MTF2: variants seen among roughly 807,000 people sequenced by gnomAD.
The protein encoded by MTF2 is metal response element binding transcription factor 2, also known as metal-response element-binding transcription factor 2.
A neutral mutation model predicts 79.5 loss-of-function variants in MTF2; 11 were observed. The ratio of observed to expected loss-of-function variants is 0.14; its 90% CI spans 0.09 to 0.23. The LOEUF (loss-of-function observed/expected upper bound fraction) is 0.23, where lower values mean the gene tolerates loss of function less well. Ranked by LOEUF, MTF2 falls within the 10% of genes least tolerant of loss-of-function variation. The pLI, the probability that MTF2 is intolerant of heterozygous loss-of-function variation, is 1.00. For synonymous variants in MTF2, 208 were observed against 232.8 expected (o/e 0.89, Z 0.97); for missense variants, 486 against 711.2 (o/e 0.68, Z 3.60).
chr1:93,105,652 T>TA (rs1418833685), intron 1 of MTF2, among the ~76,000 whole-genome samples: 1 of 151,264 alleles, frequency 6.6e-6, no homozygotes, highest in Non-Finnish European at 1.5e-5. Context: ...TGTGAATGAA[T>TA]ATGTTGAATG....
intron 9 of MTF2, chr1:93,120,975 T>C (rs1404015108): frequency 1.8e-6 from 2 of 1,084,206 alleles, no homozygotes; most frequent in Non-Finnish European, 2.2e-6. Context: ...TCTTTAGTAT[T>C]GGGTATCTTA....
intron 5 of MTF2, among the ~76,000 whole-genome samples, 157 bp from the exon 6 acceptor site, chr1:93,115,308 GAAGAA>G (rs1656205768): frequency 6.6e-6 from 1 of 152,132 alleles, no homozygotes; most frequent in Non-Finnish European, 1.5e-5. Flanking sequence ...TAATTTGAAA[GAAGAA>G]AAGAAAAATA....
At chr1:93,086,089 T>C (rs553040200) in intron 1 of MTF2, among the ~76,000 whole-genome samples, 2 of 152,332 alleles carry the variant, frequency 1.3e-5, no homozygotes, top group Non-Finnish European at 2.9e-5. Context: ...CTGGGTAATA[T>C]GAATTTTTCA....
chr1:93,120,460 A>G (rs1166362290), intron 8 of MTF2, 89 bp from the exon 9 acceptor site: 3 of 1,247,498 alleles, frequency 2.4e-6, no homozygotes, highest in African/African-American at 1.6e-5. Context: ...TTCTCTTTGC[A>G]TTTTAATTAC....
In MTF2 at chr1:93,118,451, C is replaced by A; in HGVS notation, c.728+11C>A. 2 of 1,546,376 alleles carry A rather than the reference C, an allele frequency of 1.3e-6. No homozygotes were observed. Among genetic ancestry groups the A allele is most frequent in the Middle Eastern group, 1.7e-4 (1 of 5,834 alleles). On this transcript the variant is annotated intron_variant, in intron 7 of 14. Coordinates refer to ENST00000370298, the MANE Select transcript of MTF2 (RefSeq NM_007358.4). ...GCTATTTGGAGACAGGTGAGAAGGGCATTTGAACTTTACTGGCTGATTTTT... is the reference window on the plus strand; with the variant it reads ...GCTATTTGGAGACAGGTGAGAAGGGAATTTGAACTTTACTGGCTGATTTTT...
chr1:93,110,150 A>C, intron 1 of MTF2, 80 bp from the exon 2 acceptor site: 1 of 1,330,106 alleles, frequency 7.5e-7, no homozygotes, highest in Non-Finnish European at 1.1e-6. Flanking sequence ...TAAAACTTTG[A>C]TTAACATATA....
chr1:93,113,679 C>CTCGT (rs1381740681), intron 3 of MTF2, among the ~76,000 whole-genome samples: 1 of 151,988 alleles, frequency 6.6e-6, no homozygotes, highest in Middle Eastern at 3.2e-3. Context: ...GATGAAGCAT[C>CTCGT]TCGTAGTGGA....
intron 1 of MTF2, among the ~76,000 whole-genome samples, chr1:93,086,225 C>T (rs964246971): frequency 6.6e-5 from 10 of 152,026 alleles, no homozygotes; most frequent in South Asian, 2.1e-4. Flanking sequence ...AGGAGGAGGC[C>T]GGGTGCATTG....
intron 1 of MTF2, among the ~76,000 whole-genome samples, chr1:93,108,591 C>T (rs972060809): frequency 1.6e-4 from 23 of 140,584 alleles, no homozygotes; most frequent in African/African-American, 6.3e-4. Flanking sequence ...TTGTGTTTCT[C>T]TTGTTGCTTT....
intron 1 of MTF2, among the ~76,000 whole-genome samples, chr1:93,105,732 A>G (rs974071096): frequency 1.3e-4 from 19 of 151,790 alleles, no homozygotes; most frequent in South Asian, 8.3e-4. Context: ...CTGGAGTGCA[A>G]TGCTGCGGTC....
At position 93,079,430 on chromosome 1, in the gene MTF2, T is replaced by C. The variant is rs375412203; in HGVS notation, c.-97T>C. On this transcript the variant is annotated 5_prime_UTR_variant, in exon 1 of 15. Transcript: ENST00000370298. ...TGTGCCGGGTACCCGGTGGGGCGGGTGCCCAGTAAGTGCTCGGACTCGCAG... is the reference window on the plus strand; with the variant it reads ...TGTGCCGGGTACCCGGTGGGGCGGGCGCCCAGTAAGTGCTCGGACTCGCAG... The C allele has an allele frequency of 1.1e-3, 1,578 of 1,488,270 alleles. 2 individuals are homozygous for C. The highest frequency in any genetic ancestry group is 1.4e-3 in the Non-Finnish European group (1,451 of 1,071,080). The allele number at this position is 1,488,270 out of a possible 1,614,324, so 92.2% of individuals were successfully genotyped here.
chr1:93,093,799 C>G (rs1655169450), intron 1 of MTF2, among the ~76,000 whole-genome samples: 1 of 152,106 alleles, frequency 6.6e-6, no homozygotes, highest in South Asian at 2.1e-4. Context: ...CAGCCCTGAA[C>G]TAGGCTCAAG....
chr1:93,126,710 T>C (rs1656710665), intron 9 of MTF2, among the ~76,000 whole-genome samples: 1 of 152,052 alleles, frequency 6.6e-6, no homozygotes, highest in Non-Finnish European at 1.5e-5. Context: ...CTATAATTGT[T>C]ATGAAAAGAT....
chr1:93,099,878 T>C (rs1008800468), intron 1 of MTF2, among the ~76,000 whole-genome samples: 1 of 152,090 alleles, frequency 6.6e-6, no homozygotes, highest in Non-Finnish European at 1.5e-5. Flanking sequence ...TTGGGAAAAA[T>C]TGAAAGTGAA....
intron 6 of MTF2, among the ~76,000 whole-genome samples, chr1:93,117,892 G>A (rs6689867): frequency 0.09 from 13,717 of 152,134 alleles, 2,035 homozygotes; most frequent in African/African-American, 0.31. Flanking sequence ...TAGCTTGGTG[G>A]TGCATGCCTG....
chr1:93,121,296 T>C (rs1656466491), intron 9 of MTF2: 1 of 879,132 alleles, frequency 1.1e-6, no homozygotes, highest in Non-Finnish European at 1.4e-6. Context: ...AACTAATGAA[T>C]AGCAGAAAGA....
chr1:93,118,010 A>G (rs1213745593), intron 6 of MTF2, among the ~76,000 whole-genome samples: 1 of 152,158 alleles, frequency 6.6e-6, no homozygotes. Context: ...ACAACATAGC[A>G]ATACTTGCCT....
At chr1:93,129,106 TGTAGA>T in intron 10 of MTF2, 167 bp from the exon 11 acceptor site, 1 of 430,208 alleles carries the variant, frequency 2.3e-6, no homozygotes, top group Non-Finnish European at 4.2e-6. Flanking sequence ...CATATCCTAC[TGTAGA>T]CTGGCTCTGG....
chr1:93,119,524 C>A, intron 8 of MTF2, 123 bp downstream of exon 8: 1 of 674,432 alleles, frequency 1.5e-6, no homozygotes, highest in Non-Finnish European at 2.5e-6. Context: ...GGCTTTATTT[C>A]TTTTATTTAT....
Sources: allele counts gnomAD v4.1 joint callset (sites outside exome capture counted in the v4.1 genomes callset), GRCh38; gene constraint gnomAD v4.1.1; transcripts MANE v1.5; gene names NCBI Gene and HGNC (gene_info 2026-07-23, HGNC 2026-07-21).